Variants in DAB1 observed in about 807,000 individuals in gnomAD.
DAB1 encodes the protein DAB adaptor protein 1.
Under a neutral mutation model 64.6 loss-of-function variants are expected in DAB1, and 15 were observed. The ratio of observed to expected loss-of-function variants is 0.23; its 90% CI spans 0.16 to 0.36. The LOEUF (loss-of-function observed/expected upper bound fraction) is 0.36, where lower values mean the gene tolerates loss of function less well. DAB1 is among the 10% of genes least tolerant of loss of function. The pLI is 1.00. For synonymous variants in DAB1, 235 were observed against 251.9 expected (o/e 0.93, Z 0.64); for missense variants, 596 against 706.7 (o/e 0.84, Z 1.78).
intron 1 of DAB1, among the ~76,000 whole-genome samples, chr1:57,385,964 T>G (rs1378253513): frequency 1.3e-5 from 2 of 152,118 alleles, no homozygotes; most frequent in Non-Finnish European, 2.9e-5. Flanking sequence ...GAGCATGGGT[T>G]ATAGAGTTAG....
intron 1 of DAB1, among the ~76,000 whole-genome samples, chr1:57,413,514 G>T (rs1314545733): frequency 6.6e-6 from 1 of 152,020 alleles, no homozygotes; most frequent in Non-Finnish European, 1.5e-5. Context: ...GGCGGAAGCG[G>T]GTGGATCACG....
At chr1:57,564,615 C>G (rs975201267) in intron 7 of DAB1, among the ~76,000 whole-genome samples, 3 of 152,188 alleles carry the variant, frequency 2.0e-5, no homozygotes, top group African/African-American at 7.2e-5. Context: ...AAAACCATGG[C>G]ACGAGAACTA....
At position 57,647,263 on chromosome 1, in the gene DAB1, C is replaced by T. The variant is rs11207084; in HGVS notation, n.625+2329G>A. On this transcript the variant is annotated intron_variant and non_coding_transcript_variant, in intron 7 of 20. Coordinates refer to the DAB1 transcript ENST00000485760. ...CTCTTTCTAGGAATAGATGAATAAC[C>T]TTCAAACATCGCCTCCACTACCTTC... Among the ~76,000 whole-genome samples, 1,459 of 152,248 alleles carry T rather than the reference C, an allele frequency of 9.6e-3. 26 individuals carry two copies. The highest frequency in any genetic ancestry group is 0.034 in the African/African-American group (1,417 of 41,552).
chr1:58,458,159 T>A (rs906271778), intron 3 of DAB1, among the ~76,000 whole-genome samples: 1 of 152,234 alleles, frequency 6.6e-6, no homozygotes, highest in East Asian at 1.9e-4. Context: ...AAATTACATA[T>A]AATTAAAAAT....
intron 6 of DAB1, among the ~76,000 whole-genome samples, chr1:57,803,126 C>A (rs1651205014): frequency 6.6e-6 from 1 of 152,158 alleles, no homozygotes; most frequent in African/African-American, 2.4e-5. Context: ...AAGCTGTCTA[C>A]CACAAGCCCC....
At chr1:58,030,313 T>C (rs1360275812) in intron 5 of DAB1, among the ~76,000 whole-genome samples, 1 of 152,222 alleles carries the variant, frequency 6.6e-6, no homozygotes, top group Admixed American at 6.5e-5. Context: ...TTAACAATGA[T>C]TGATTTCTTG....
intron 3 of DAB1, chr1:58,468,324 T>C (rs1159790506): frequency 1.3e-5 from 2 of 152,264 alleles, no homozygotes; most frequent in Non-Finnish European, 2.9e-5. Flanking sequence ...TTACATACTG[T>C]ATGTATCACT....
intron 5 of DAB1, among the ~76,000 whole-genome samples, chr1:58,145,850 G>A (rs1382757431): frequency 2.0e-5 from 3 of 152,176 alleles, no homozygotes; most frequent in Admixed American, 6.5e-5. Context: ...GAAAGGACAC[G>A]CAATATGGGT....
chr1:58,443,809 C>T (rs925706263), intron 3 of DAB1, among the ~76,000 whole-genome samples: 1 of 152,190 alleles, frequency 6.6e-6, no homozygotes, highest in Admixed American at 6.5e-5. Context: ...AACTAATACT[C>T]AACACATTGT....
At chr1:58,217,943 T>C (rs558118392) in intron 4 of DAB1, among the ~76,000 whole-genome samples, 2 of 152,022 alleles carry the variant, frequency 1.3e-5, no homozygotes, top group Non-Finnish European at 2.9e-5. Context: ...TGAGTGCTAA[T>C]ATAATTCTGA....
intron 5 of DAB1, chr1:58,056,521 A>C (rs769715913): frequency 2.0e-5 from 20 of 1,019,642 alleles, no homozygotes; most frequent in Non-Finnish European, 1.5e-6. Context: ...TGCATTCTTA[A>C]TGTTGGGTTA....
intron 4 of DAB1, among the ~76,000 whole-genome samples, chr1:58,172,318 T>C (rs1656219543): frequency 1.3e-5 from 2 of 152,240 alleles, no homozygotes; most frequent in Admixed American, 6.5e-5. Context: ...ATTGATGTAG[T>C]AGCAAAATGC....
chr1:57,253,931 G>A (rs1669566571), intron 2 of DAB1, among the ~76,000 whole-genome samples: 1 of 152,188 alleles, frequency 6.6e-6, no homozygotes, highest in African/African-American at 2.4e-5. Context: ...TGAGTAGGGG[G>A]AGGGGAAAGA....
At chr1:58,072,575 T>A (rs1187527768) in intron 5 of DAB1, among the ~76,000 whole-genome samples, 1 of 152,086 alleles carries the variant, frequency 6.6e-6, no homozygotes, top group Non-Finnish European at 1.5e-5. Flanking sequence ...AGGAATCAAG[T>A]CAGATAGATC....
At chr1:57,898,692 C>T (rs1337151970) in intron 5 of DAB1, among the ~76,000 whole-genome samples, 1 of 152,216 alleles carries the variant, frequency 6.6e-6, no homozygotes, top group Non-Finnish European at 1.5e-5. Flanking sequence ...TGTTGAGTTA[C>T]TTGGTGTCTC....
At chr1:57,136,711 A>G in intron 3 of DAB1, 70 bp from the exon 4 acceptor site, 1 of 993,946 alleles carries the variant, frequency 1.0e-6, no homozygotes, top group Non-Finnish European at 1.5e-6. Context: ...TCCCAAAGGT[A>G]TGTCCGATAC....
intron 7 of DAB1, among the ~76,000 whole-genome samples, chr1:57,501,565 A>G (rs1294346084): frequency 6.6e-6 from 1 of 152,242 alleles, no homozygotes; most frequent in East Asian, 1.9e-4. Context: ...ACATCTGAAC[A>G]TTGAACAATA....
chr1:57,718,857 C>G (rs1380647993), intron 6 of DAB1, among the ~76,000 whole-genome samples: 1 of 151,406 alleles, frequency 6.6e-6, no homozygotes, highest in Admixed American at 6.6e-5. Context: ...TGTGTTTCAT[C>G]AAGTAGAAAA....
intron 6 of DAB1, among the ~76,000 whole-genome samples, chr1:57,785,144 G>T (rs79369829): frequency 0.013 from 2,015 of 152,148 alleles, 43 homozygotes; most frequent in African/African-American, 0.046. Context: ...TCTGTTTATG[G>T]TATAATTTAC....
Sources: allele counts gnomAD v4.1 joint callset (sites outside exome capture counted in the v4.1 genomes callset), GRCh38; gene constraint gnomAD v4.1.1; transcripts MANE v1.5; gene names NCBI Gene and HGNC (gene_info 2026-07-23, HGNC 2026-07-21).